SLC7A14: variants seen among roughly 807,000 people sequenced by gnomAD.
SLC7A14 encodes the protein solute carrier family 7 member 14.
In SLC7A14, 37 loss-of-function variants were observed where a neutral mutation model predicts 60.2. That is an observed-to-expected ratio of 0.61 (90% confidence interval 0.47 to 0.81). The LOEUF is 0.81. Among genes scored for constraint, SLC7A14 ranks in the 30% least tolerant of loss-of-function variants. The pLI, the probability that SLC7A14 is intolerant of heterozygous loss-of-function variation, is 0.00. For synonymous variants in SLC7A14, 399 were observed against 395.8 expected, an observed-to-expected ratio of 1.01 and a Z score of -0.10; for missense variants, 886 against 982.7, an observed-to-expected ratio of 0.90 and a Z score of 1.32.
intron 7 of SLC7A14, among the ~76,000 whole-genome samples, chr3:170,473,010 G>A (rs1227796364): frequency 2.6e-5 from 4 of 152,176 alleles, no homozygotes; most frequent in African/African-American, 7.2e-5. Context: ...TCCCAGGGAA[G>A]TTAAGAACTG....
At chr3:170,560,362 T>C (rs1024428382) in intron 1 of SLC7A14, among the ~76,000 whole-genome samples, 3 of 152,106 alleles carry the variant, frequency 2.0e-5, no homozygotes, top group African/African-American at 2.4e-5. Flanking sequence ...AAGATTAGTA[T>C]AAATAATATG....
intron 1 of SLC7A14, among the ~76,000 whole-genome samples, chr3:170,537,549 A>G (rs1180330915): frequency 1.3e-5 from 2 of 152,192 alleles, no homozygotes; most frequent in African/African-American, 4.8e-5. Context: ...TCTGTACTCT[A>G]TGGCAAACTG....
intron 2 of SLC7A14, among the ~76,000 whole-genome samples, chr3:170,503,254 G>A (rs1560261284): frequency 6.6e-6 from 1 of 152,100 alleles, no homozygotes; most frequent in Admixed American, 6.6e-5. Flanking sequence ...TGCTTACCTG[G>A]AGCAGTCAGA....
intron 2 of SLC7A14, among the ~76,000 whole-genome samples, chr3:170,511,486 C>T (rs1712978746): frequency 6.6e-6 from 1 of 152,080 alleles, no homozygotes; most frequent in South Asian, 2.1e-4. Flanking sequence ...GTTTCCCTAC[C>T]TGGAAAATAG....
Position 170,480,516 on chromosome 3 carries a change from T to A in SLC7A14, c.1766A>T (p.Tyr589Phe), listed in dbSNP as rs766127625. Residue 589 changes from tyrosine (Y) to phenylalanine (F), a missense_variant, in exon 7 of 8, where the codon TAC becomes TTC. Tyr to Phe is a conservative substitution (Grantham distance 22). Coordinates refer to ENST00000231706, the MANE Select transcript of SLC7A14 (RefSeq NM_020949.3). ...FCSFIIFGSDYISEQSWWAIL... is the reference protein window; with the variant it reads ...FCSFIIFGSDFISEQSWWAIL... ...GGCCCACCAGCTCTGCTCTGAGATG[T>A]AGTCAGAACCAAAGATGATGAAGGA... 6.2e-7 allele frequency: 1 copy of A among 1,614,044 alleles called. No homozygotes were observed. Among genetic ancestry groups the A allele is most frequent in the East Asian group, 2.2e-5 (1 of 44,898 alleles).
chr3:170,484,234 C>T (rs959085873), intron 5 of SLC7A14, among the ~76,000 whole-genome samples: 4 of 152,116 alleles, frequency 2.6e-5, no homozygotes, highest in South Asian at 2.1e-4. Flanking sequence ...TAAGGGTCCA[C>T]CCCCAGAGAA....
intron 1 of SLC7A14, among the ~76,000 whole-genome samples, chr3:170,533,681 T>G (rs867781737): frequency 1.4e-4 from 18 of 126,646 alleles, no homozygotes; most frequent in East Asian, 7.0e-4. Flanking sequence ...GTGTGTGTGG[T>G]GTGTGTGTGT....
At chr3:170,507,004 A>G (rs1284279002) in intron 2 of SLC7A14, among the ~76,000 whole-genome samples, 1 of 152,148 alleles carries the variant, frequency 6.6e-6, no homozygotes, top group African/African-American at 2.4e-5. Flanking sequence ...TCTGCATTCC[A>G]CCAAAGAAAG....
chr3:170,529,412 T>C (rs1021689670), intron 1 of SLC7A14, among the ~76,000 whole-genome samples: 6 of 152,230 alleles, frequency 3.9e-5, no homozygotes, highest in Non-Finnish European at 7.3e-5. Flanking sequence ...TATTGTGGCT[T>C]CAGTGTTTTT....
At chr3:170,539,703 C>T (rs535114615) in intron 1 of SLC7A14, among the ~76,000 whole-genome samples, 23 of 152,176 alleles carry the variant, frequency 1.5e-4, no homozygotes, top group South Asian at 1.0e-3. Context: ...AAGGGAAACA[C>T]GAGTTTAAAA....
At chr3:170,584,300 G>A (rs575912648) in intron 1 of SLC7A14, among the ~76,000 whole-genome samples, 2 of 152,164 alleles carry the variant, frequency 1.3e-5, no homozygotes, top group Non-Finnish European at 2.9e-5. Context: ...GTTCTAAGAA[G>A]AGGAAAAAGC....
chr3:170,508,805 G>A (rs1187119641), intron 2 of SLC7A14, among the ~76,000 whole-genome samples: 1 of 152,198 alleles, frequency 6.6e-6, no homozygotes, highest in African/African-American at 2.4e-5. Flanking sequence ...TGTAGATGGG[G>A]AGTGGGGTAT....
At chr3:170,499,109 C>T (rs911416123) in intron 3 of SLC7A14, among the ~76,000 whole-genome samples, 8 of 151,262 alleles carry the variant, frequency 5.3e-5, no homozygotes, top group Non-Finnish European at 7.4e-5. Context: ...TGGTGGCGGG[C>T]GCCTGTAGTC....
At chr3:170,522,532 A>G (rs969248430) in intron 2 of SLC7A14, among the ~76,000 whole-genome samples, 2 of 152,242 alleles carry the variant, frequency 1.3e-5, no homozygotes, top group African/African-American at 4.8e-5. Flanking sequence ...AAAAGAAAGC[A>G]AACTTAAAAG....
At chr3:170,521,589 G>A (rs999382082) in intron 2 of SLC7A14, among the ~76,000 whole-genome samples, 2 of 152,178 alleles carry the variant, frequency 1.3e-5, no homozygotes, top group Admixed American at 6.5e-5. Flanking sequence ...TATAAGGAAT[G>A]CTTAAAAGTG....
At chr3:170,580,661 C>G (rs1715210651) in intron 1 of SLC7A14, among the ~76,000 whole-genome samples, 1 of 152,108 alleles carries the variant, frequency 6.6e-6, no homozygotes, top group Admixed American at 6.5e-5. Context: ...TAACTCTAAA[C>G]AAAGGTAAAC....
Position 170,544,752 on chromosome 3 carries a change from C to T in SLC7A14, c.-152-17664G>A, listed in dbSNP as rs575013889. 5.3e-5 allele frequency among the ~76,000 whole-genome samples: 8 copies of T among 152,304 alleles called. No individual in the cohort carries two copies. In the East Asian group the frequency reaches 1.5e-3, roughly 29 times the overall value. On this transcript the variant is annotated intron_variant, in intron 1 of 7. Transcript: ENST00000231706. ...TAGGGCTGTCTGTATATTCTAACAA[C>T]AACCCTGTGAGAGAGATACTATTTT...
Position 170,484,396 on chromosome 3 carries a change from G to A in SLC7A14, c.907-874C>T, listed in dbSNP as rs1711948805. Reference sequence around the variant, plus strand: ...AGCCACTGGCATGCATGTGCATCGGGGAGGTGATAAGCACTTAACTGGGGG... The same window carrying A: ...AGCCACTGGCATGCATGTGCATCGGAGAGGTGATAAGCACTTAACTGGGGG... On this transcript the variant is annotated intron_variant, in intron 5 of 7. Transcript: ENST00000231706. Among the ~76,000 whole-genome samples, 3 of 152,304 alleles carry A rather than the reference G, an allele frequency of 2.0e-5. No homozygotes were observed. In the South Asian group the frequency reaches 6.2e-4, roughly 32 times the overall value.
chr3:170,548,092 T>A (rs1341856587), intron 1 of SLC7A14, among the ~76,000 whole-genome samples: 1 of 152,204 alleles, frequency 6.6e-6, no homozygotes, highest in African/African-American at 2.4e-5. Context: ...CATTTCCATA[T>A]GAAGAAGTAT....
Sources: gnomAD v4.1 joint callset for allele counts (sites outside exome capture counted in the v4.1 genomes callset) on GRCh38, gnomAD v4.1.1 for gene constraint, MANE v1.5 for transcripts, NCBI Gene and HGNC (gene_info 2026-07-23, HGNC 2026-07-21) for gene names.